Variants in VWA3B observed in about 807,000 individuals in gnomAD.
VWA3B encodes the protein von Willebrand factor A domain-containing protein 3B.
VWA3B carries 138 observed loss-of-function variants against 158.3 expected under a neutral mutation model. The ratio of observed to expected loss-of-function variants is 0.87; its 90% confidence interval spans 0.76 to 1.00. The LOEUF (loss-of-function observed/expected upper bound fraction) is 1.00, where lower values mean the gene tolerates loss of function less well. VWA3B is among the 50% of genes least tolerant of loss of function. The probability of loss-of-function intolerance (pLI) is 0.00; values close to 1 mark genes in which losing one functional copy is unlikely to be tolerated. For missense variants in VWA3B, 1,555 were observed against 1,565.1 expected (o/e 0.99, Z 0.11); for synonymous variants, 596 against 587.3 (o/e 1.01, Z -0.21).
chr2:98,211,867 A>G, intron 12 of VWA3B, 63 bp from the exon 13 acceptor site: 1 of 1,411,858 alleles, frequency 7.1e-7, no homozygotes, highest in Non-Finnish European at 9.9e-7. Flanking sequence ...CAGAAAATAA[A>G]TACTTGTTTG....
intron 7 of VWA3B, among the ~76,000 whole-genome samples, chr2:98,141,252 C>T: frequency 6.6e-6 from 1 of 152,160 alleles, no homozygotes; most frequent in East Asian, 1.9e-4. Flanking sequence ...CTGTTTTGCA[C>T]TGCGATAAAG....
At chr2:98,295,267 G>T (rs1386565238) in intron 23 of VWA3B, among the ~76,000 whole-genome samples, 1 of 152,126 alleles carries the variant, frequency 6.6e-6, no homozygotes, top group Non-Finnish European at 1.5e-5. Flanking sequence ...GCCGGGCTTT[G>T]TATATCGGAA....
intron 2 of VWA3B, among the ~76,000 whole-genome samples, chr2:98,105,511 C>A (rs1673572947): frequency 6.6e-6 from 1 of 152,116 alleles, no homozygotes; most frequent in African/African-American, 2.4e-5. Context: ...TCCTATGTTA[C>A]CCCCTCCTAT....
At chr2:98,262,736 T>C (rs1200518678) in intron 21 of VWA3B, among the ~76,000 whole-genome samples, 4 of 151,872 alleles carry the variant, frequency 2.6e-5, no homozygotes, top group Non-Finnish European at 5.9e-5. Flanking sequence ...TCCAACTCTG[T>C]TCTTCTTTCT....
chr2:98,090,044 AC>A (rs1247743567), intron 1 of VWA3B, among the ~76,000 whole-genome samples: 2 of 152,166 alleles, frequency 1.3e-5, no homozygotes, highest in Non-Finnish European at 2.9e-5. Flanking sequence ...TCCCTTTTAA[AC>A]CTAGTACTCC....
intron 12 of VWA3B, chr2:98,206,859 GA>G: frequency 2.6e-6 from 1 of 385,412 alleles, no homozygotes; most frequent in South Asian, 2.0e-5. Context: ...GTGTTTTTGA[GA>G]GGACCTGTAA....
At chr2:98,210,396 T>C (rs1487091412) in intron 12 of VWA3B, among the ~76,000 whole-genome samples, 3 of 152,236 alleles carry the variant, frequency 2.0e-5, no homozygotes, top group African/African-American at 7.2e-5. Context: ...GTCGTCATAT[T>C]CTAGGCATCC....
At chr2:98,122,318 T>C (rs1675030350) in intron 5 of VWA3B, among the ~76,000 whole-genome samples, 1 of 152,130 alleles carries the variant, frequency 6.6e-6, no homozygotes, top group Non-Finnish European at 1.5e-5. Context: ...AAGTCTGGGG[T>C]TTCTGTAGGT....
At chr2:98,117,852 C>T (rs1191481123) in intron 3 of VWA3B, among the ~76,000 whole-genome samples, 1 of 151,420 alleles carries the variant, frequency 6.6e-6, no homozygotes, top group Non-Finnish European at 1.5e-5. Context: ...AAGCGATTCT[C>T]CAGCCTCGGC....
chr2:98,127,443 A>G, intron 5 of VWA3B, among the ~76,000 whole-genome samples: 1 of 152,106 alleles, frequency 6.6e-6, no homozygotes, highest in Non-Finnish European at 1.5e-5. Context: ...GCCGGGCTGC[A>G]GCAGAGCAGG....
intron 20 of VWA3B, among the ~76,000 whole-genome samples, chr2:98,253,523 T>C (rs2105812827): frequency 6.6e-6 from 1 of 152,140 alleles, no homozygotes; most frequent in East Asian, 1.9e-4. Flanking sequence ...TGGAGTGATT[T>C]TTCTGTTGCT....
chr2:98,226,932 C>T (rs1291080777), intron 14 of VWA3B, among the ~76,000 whole-genome samples: 1 of 152,112 alleles, frequency 6.6e-6, no homozygotes, highest in Non-Finnish European at 1.5e-5. Context: ...AACCCATAGC[C>T]AATATCATAC....
chr2:98,187,401 A>C (rs1225676604), intron 9 of VWA3B, among the ~76,000 whole-genome samples: 1 of 151,482 alleles, frequency 6.6e-6, no homozygotes, highest in African/African-American at 2.4e-5. Flanking sequence ...ATGGAGGTCC[A>C]CTGAGGAGGG....
At chr2:98,249,228 C>CA (rs1315591821) in intron 19 of VWA3B, among the ~76,000 whole-genome samples, 2 of 152,036 alleles carry the variant, frequency 1.3e-5, no homozygotes, top group Non-Finnish European at 2.9e-5. Flanking sequence ...CCTTTATCAA[C>CA]AAACATTTGT....
chr2:98,316,793 G>T (rs999240798), downstream of VWA3B, among the ~76,000 whole-genome samples: 1 of 152,004 alleles, frequency 6.6e-6, no homozygotes, highest in Admixed American at 6.6e-5. Context: ...TAGGAGATCG[G>T]TTGTTTAAAA....
intron 22 of VWA3B, among the ~76,000 whole-genome samples, chr2:98,289,966 C>G (rs1436946831): frequency 6.6e-6 from 1 of 152,166 alleles, no homozygotes; most frequent in African/African-American, 2.4e-5. Context: ...TAACACAAAG[C>G]AGAAAGTGCT....
intron 9 of VWA3B, among the ~76,000 whole-genome samples, chr2:98,186,940 G>A (rs577313110): frequency 2.0e-5 from 3 of 152,078 alleles, no homozygotes; most frequent in East Asian, 1.9e-4. Context: ...CCTCCTCTTC[G>A]TGTGTCCCGG....
Position 98,218,020 on chromosome 2 carries a change from G to T in VWA3B, c.2011G>T (p.Ala671Ser). The change falls in exon 14 of 28, where the codon GCT (alanine) becomes TCT (serine). Residue 671 changes from alanine (A) to serine (S), a missense_variant. Coordinates refer to ENST00000477737, the MANE Select transcript of VWA3B (RefSeq NM_144992.5). Reference sequence around the variant, plus strand: ...TTGCAAGGATCCCACTCCCCCAGAGGCTGTTCAGGTAAGAGCTTGGTGGGC... The same window carrying T: ...TTGCAAGGATCCCACTCCCCCAGAGTCTGTTCAGGTAAGAGCTTGGTGGGC... ...FGCKDPTPPE[A>S]VQNEDLTLLV... 1 of 1,607,586 alleles carries T rather than the reference G, an allele frequency of 6.2e-7. No individual in the cohort carries two copies.
intron 12 of VWA3B, among the ~76,000 whole-genome samples, chr2:98,200,195 GTTGT>G (rs1288252597): frequency 6.6e-6 from 1 of 152,060 alleles, no homozygotes; most frequent in African/African-American, 2.4e-5. Flanking sequence ...TTTTAATTGA[GTTGT>G]TTGTTTTCTT....
Sources: gnomAD v4.1 joint callset for allele counts (sites outside exome capture counted in the v4.1 genomes callset) on GRCh38, gnomAD v4.1.1 for gene constraint, MANE v1.5 for transcripts, NCBI Gene and HGNC (gene_info 2026-07-23, HGNC 2026-07-21) for gene names.